Variants in UGT1A10 observed in about 807,000 individuals in gnomAD.
The protein encoded by UGT1A10 is UDP glucuronosyltransferase family 1 member A10, also known as UDP-glucuronosyltransferase 1A10.
In UGT1A10, 49 loss-of-function variants were observed where a neutral mutation model predicts 45.8. That is an observed-to-expected ratio of 1.07 (90% CI 0.85 to 1.36). UGT1A10 has a LOEUF of 1.36. Ranked by LOEUF, UGT1A10 falls within the 40% of genes most tolerant of loss-of-function variation. The probability of loss-of-function intolerance (pLI) is 0.00; values close to 1 mark genes in which losing one functional copy is unlikely to be tolerated. For missense variants in UGT1A10, 745 were observed against 668.6 expected, an observed-to-expected ratio of 1.11 and a Z score of -1.26; for synonymous variants, 284 against 249.7, an observed-to-expected ratio of 1.14 and a Z score of -1.29.
intron 1 of UGT1A10, among the ~76,000 whole-genome samples, chr2:233,719,977 G>A (rs928010366): frequency 8.5e-5 from 13 of 152,146 alleles, no homozygotes; most frequent in Admixed American, 4.6e-4. Flanking sequence ...CCTTCAGCTC[G>A]GCAGGATCAG....
chr2:233,646,684 G>C (rs2073612231), intron 1 of UGT1A10, among the ~76,000 whole-genome samples: 1 of 152,092 alleles, frequency 6.6e-6, no homozygotes, highest in African/African-American at 2.4e-5. Context: ...ATCTCCATTT[G>C]AAACCACCTC....
chr2:233,713,134 T>C (rs3755323), intron 1 of UGT1A10: 158,247 of 1,614,024 alleles, frequency 0.098, 8,762 homozygotes, highest in South Asian at 0.2. Flanking sequence ...CGGGAGGCCT[T>C]GCGGGACCTC....
rs1178293466 is a variant in UGT1A10 at position 233,747,267 on chromosome 2, C to A, written c.856-19767C>A. On this transcript the variant is annotated intron_variant, in intron 1 of 4. Coordinates refer to ENST00000344644, the MANE Select transcript of UGT1A10 (RefSeq NM_019075.4). Reference sequence around the variant, plus strand: ...TGTGGCTGGCCACAGGAGTGCTACTCCTTCTCAGTGCCCAGCCCTGGGCTG... The same window carrying A: ...TGTGGCTGGCCACAGGAGTGCTACTACTTCTCAGTGCCCAGCCCTGGGCTG... 4 of 1,599,414 alleles carry A rather than the reference C, an allele frequency of 2.5e-6. No individual in the cohort carries two copies. In the South Asian group the frequency reaches 3.4e-5, roughly 13 times the overall value.
At chr2:233,672,933 G>A (rs942835332) in intron 1 of UGT1A10, 128 of 1,447,738 alleles carry the variant, frequency 8.8e-5, no homozygotes, top group South Asian at 8.4e-4. Flanking sequence ...GTGCCAATGC[G>A]TGTACTCGTC....
At chr2:233,637,867 G>T (rs2073342711) in intron 1 of UGT1A10, among the ~76,000 whole-genome samples, 1 of 152,014 alleles carries the variant, frequency 6.6e-6, no homozygotes. Flanking sequence ...TAAATTATGG[G>T]TACCTTTATA....
chr2:233,770,961 C>T (rs898469927), intron 4 of UGT1A10: 13 of 152,156 alleles, frequency 8.5e-5, no homozygotes, highest in African/African-American at 3.1e-4. Flanking sequence ...GGAGCTTTTA[C>T]TCATGGCAGA....
chr2:233,642,880 C>T (rs1355574263), intron 1 of UGT1A10, among the ~76,000 whole-genome samples: 1 of 152,140 alleles, frequency 6.6e-6, no homozygotes, highest in Non-Finnish European at 1.5e-5. Flanking sequence ...GTCTCTCTCT[C>T]TCTCTCACTC....
intron 1 of UGT1A10, among the ~76,000 whole-genome samples, chr2:233,684,405 AT>A (rs1009932086): frequency 6.6e-6 from 1 of 152,160 alleles, no homozygotes; most frequent in Non-Finnish European, 1.5e-5. Flanking sequence ...TCACTCAGGT[AT>A]TGCCTGCAGC....
chr2:233,764,150 T>C (rs770421486), intron 1 of UGT1A10, among the ~76,000 whole-genome samples: 21 of 152,376 alleles, frequency 1.4e-4, no homozygotes, highest in Non-Finnish European at 2.4e-4. Flanking sequence ...TCATTTTGGC[T>C]GGTGAAGTCT....
intron 1 of UGT1A10, among the ~76,000 whole-genome samples, chr2:233,656,065 G>A (rs1226110115): frequency 2.0e-5 from 3 of 152,038 alleles, no homozygotes; most frequent in Non-Finnish European, 2.9e-5. Context: ...AGAAGGGATG[G>A]GGTAGGAGCT....
intron 1 of UGT1A10, among the ~76,000 whole-genome samples, chr2:233,735,528 T>A (rs1193840651): frequency 1.3e-5 from 2 of 152,238 alleles, no homozygotes; most frequent in African/African-American, 4.8e-5. Flanking sequence ...TAAATATTGT[T>A]ATGAGTGAAT....
chr2:233,671,129 A>T (rs1162405526), intron 1 of UGT1A10, among the ~76,000 whole-genome samples: 1 of 152,336 alleles, frequency 6.6e-6, no homozygotes, highest in East Asian at 1.9e-4. Flanking sequence ...ACTGAGAGAG[A>T]CAAGTACATA....
At chr2:233,704,879 A>G (rs1317470741) in intron 1 of UGT1A10, among the ~76,000 whole-genome samples, 2 of 152,172 alleles carry the variant, frequency 1.3e-5, no homozygotes, top group African/African-American at 4.8e-5. Context: ...CACTCCTGTA[A>G]TCCCAGCACT....
In UGT1A10 at chr2:233,769,819, C is replaced by T. The variant is rs35283790; in HGVS notation, c.1295+1380C>T. Reference sequence around the variant, plus strand: ...GCTATGAGCCGTGATCATGCCACTGCACTCCAGCAACCTGGGCAACAGAGT... The same window carrying T: ...GCTATGAGCCGTGATCATGCCACTGTACTCCAGCAACCTGGGCAACAGAGT... On this transcript the variant is annotated intron_variant, in intron 4 of 4. Transcript: ENST00000344644. This position sits in a 1 kb window ranked among gnomAD's most constrained non-coding sequence, Gnocchi z 4.4. The T allele has an allele frequency of 0.018, 15,000 of 840,188 alleles. 224 individuals carry two copies. Among genetic ancestry groups the T allele is most frequent in the Admixed American group, 0.067 (1,978 of 29,358 alleles). The allele number at this position is 840,188 out of a possible 1,614,324, so 52.0% of individuals were successfully genotyped here.
Position 233,637,121 on chromosome 2 carries a change from C to G in UGT1A10, c.599C>G (p.Ala200Gly). The change falls in exon 1 of 5, where the codon GCC (alanine) becomes GGC (glycine). Residue 200 changes from alanine (A) to glycine (G), a missense_variant. Coordinates refer to ENST00000344644, the MANE Select transcript of UGT1A10 (RefSeq NM_019075.4). ...VPNDLLGFSD[A>G]MTFKERVWNH... ...AATGATCTCTTAGGGTTCTCAGATG[C>G]CATGACTTTCAAGGAGAGAGTATGG... is the stretch of plus-strand genomic sequence containing the variant. The G allele has an allele frequency of 6.2e-7, 1 of 1,613,906 alleles. No individual in the cohort carries two copies. Among genetic ancestry groups the G allele is most frequent in the Non-Finnish European group, 8.5e-7 (1 of 1,179,852 alleles).
intron 1 of UGT1A10, among the ~76,000 whole-genome samples, chr2:233,766,030 T>C (rs1699031602): frequency 6.6e-6 from 1 of 152,104 alleles, no homozygotes; most frequent in Non-Finnish European, 1.5e-5. Context: ...AGTTTTGCCC[T>C]CTATAGTCAG....
At chr2:233,644,301 C>T (rs561056806) in intron 1 of UGT1A10, among the ~76,000 whole-genome samples, 1 of 152,304 alleles carries the variant, frequency 6.6e-6, no homozygotes, top group Admixed American at 6.5e-5. Context: ...GGCACGGTGG[C>T]TCATGCCTGT....
intron 1 of UGT1A10, chr2:233,747,837 C>A: frequency 1.9e-6 from 3 of 1,613,500 alleles, no homozygotes; most frequent in African/African-American, 1.3e-5. Flanking sequence ...GACATTCCTG[C>A]AAAGGGTCAA....
Position 233,769,609 on chromosome 2 carries a change from C to T in UGT1A10, c.1295+1170C>T, listed in dbSNP as rs776582226. The T allele has an allele frequency of 3.7e-6, 6 of 1,612,752 alleles. No individual in the cohort carries two copies. Among genetic ancestry groups the T allele is most frequent in the Non-Finnish European group, 5.1e-6 (6 of 1,179,862 alleles). On this transcript the variant is annotated intron_variant, in intron 4 of 4. Transcript: ENST00000344644. The surrounding 1 kb of genome is among the most constrained non-coding windows in gnomAD (Gnocchi z 4.4). ...AGAGGAGACGGAACACGGGGACACACCAGCTTGAGCAAGGGACAACAGGGG... is the reference window on the plus strand; with the variant it reads ...AGAGGAGACGGAACACGGGGACACATCAGCTTGAGCAAGGGACAACAGGGG...
Sources: allele counts gnomAD v4.1 joint callset (sites outside exome capture counted in the v4.1 genomes callset), GRCh38; gene constraint gnomAD v4.1.1; non-coding constraint Gnocchi (gnomAD v3.1); transcripts MANE v1.5; gene names NCBI Gene and HGNC (gene_info 2026-07-23, HGNC 2026-07-21).